Variants in MCPH1 observed in about 807,000 individuals in gnomAD.
MCPH1 encodes microcephalin.
MCPH1 carries 104 observed loss-of-function variants against 84.5 expected under a neutral mutation model. The observed-to-expected ratio is 1.23, with a 90% confidence interval of 1.05 to 1.45. The LOEUF is 1.45. MCPH1 is among the 40% of genes most tolerant of loss of function. The pLI, the probability that MCPH1 is intolerant of heterozygous loss-of-function variation, is 0.00. For synonymous variants in MCPH1, 514 were observed against 366.8 expected, an observed-to-expected ratio of 1.40 and a Z score of -4.58; for missense variants, 1,498 against 1,005.7, an observed-to-expected ratio of 1.49 and a Z score of -6.62.
chr8:6,503,665 G>A lies in MCPH1; in HGVS notation c.2214+3736G>A, dbSNP rs563816595. On this transcript the variant is annotated intron_variant, in intron 12 of 13. Coordinates refer to ENST00000344683, the MANE Select transcript of MCPH1 (RefSeq NM_024596.5). ...AACATGGTGGGCTGGACTCGCTCAG[G>A]CTCCCCTTGCTCTATTAAATGATTT... Among the ~76,000 whole-genome samples, 97 of 152,298 alleles carry A rather than the reference G, an allele frequency of 6.4e-4. 1 individual carries two copies. The highest frequency in any genetic ancestry group is 1.9e-3 in the Admixed American group (29 of 15,296).
intron 13 of MCPH1, 189 bp from the exon 14 acceptor site, chr8:6,642,805 T>A (rs372148130): frequency 2.0e-5 from 13 of 651,024 alleles, no homozygotes; most frequent in Non-Finnish European, 3.1e-5. Context: ...GAATGTTTCA[T>A]TGTATTGAAT....
At chr8:6,488,274 C>T (rs757602146) in intron 11 of MCPH1, among the ~76,000 whole-genome samples, 1 of 152,222 alleles carries the variant, frequency 6.6e-6, no homozygotes, top group African/African-American at 2.4e-5. Context: ...GTTGGAGCCG[C>T]TGTGCTTCCC....
chr8:6,532,869 C>T (rs796683222), intron 12 of MCPH1, among the ~76,000 whole-genome samples: 40 of 152,264 alleles, frequency 2.6e-4, no homozygotes, highest in African/African-American at 8.4e-4. Flanking sequence ...ACCATGCAGT[C>T]AGGAAATGAT....
chr8:6,413,522 G>A (rs1436587577), intron 2 of MCPH1, among the ~76,000 whole-genome samples: 1 of 151,476 alleles, frequency 6.6e-6, no homozygotes, highest in Non-Finnish European at 1.5e-5. Flanking sequence ...TTTAACTTCT[G>A]TTGATTGGCT....
At chr8:6,427,310 A>G (rs28591299) in intron 3 of MCPH1, among the ~76,000 whole-genome samples, 295 of 152,328 alleles carry the variant, frequency 1.9e-3, no homozygotes, top group African/African-American at 6.8e-3. Context: ...TATGGACTTT[A>G]TACACGTCAT....
intron 12 of MCPH1, among the ~76,000 whole-genome samples, chr8:6,514,161 T>C (rs752087840): frequency 4.6e-5 from 7 of 152,186 alleles, no homozygotes; most frequent in Non-Finnish European, 8.8e-5. Flanking sequence ...ACCAAAAAAA[T>C]GCTGAGTCCA....
At chr8:6,565,823 T>G (rs1826099933) in intron 12 of MCPH1, among the ~76,000 whole-genome samples, 2 of 152,172 alleles carry the variant, frequency 1.3e-5, no homozygotes, top group South Asian at 4.1e-4. Flanking sequence ...CAGTGATGCT[T>G]CCGGGTGCAC....
chr8:6,497,319 CA>C (rs36033136), intron 11 of MCPH1, among the ~76,000 whole-genome samples: 1 of 144,796 alleles, frequency 6.9e-6, no homozygotes, highest in Non-Finnish European at 1.5e-5. Context: ...CATTCTCTAC[CA>C]AAAAAAAACA....
intron 12 of MCPH1, among the ~76,000 whole-genome samples, chr8:6,550,919 G>T (rs147476778): frequency 6.6e-6 from 1 of 152,298 alleles, no homozygotes; most frequent in Non-Finnish European, 1.5e-5. Flanking sequence ...AGCCCAAGGA[G>T]CCCAAGGGGA....
At chr8:6,407,804 C>A (rs1388374030) in intron 1 of MCPH1, among the ~76,000 whole-genome samples, 1 of 152,158 alleles carries the variant, frequency 6.6e-6, no homozygotes, top group Non-Finnish European at 1.5e-5. Flanking sequence ...CACTATGCCC[C>A]CCAGGCCATA....
At chr8:6,641,448 T>A (rs1019092001) in intron 13 of MCPH1, among the ~76,000 whole-genome samples, 3 of 152,144 alleles carry the variant, frequency 2.0e-5, no homozygotes, top group African/African-American at 7.2e-5. Flanking sequence ...AAAGTTTGCA[T>A]AAGAAAAGTC....
At chr8:6,568,349 G>A (rs908422658) in intron 12 of MCPH1, among the ~76,000 whole-genome samples, 9 of 151,304 alleles carry the variant, frequency 5.9e-5, no homozygotes, top group African/African-American at 2.0e-4. Flanking sequence ...GACCATCCCA[G>A]GTTCCCCCAG....
intron 13 of MCPH1, among the ~76,000 whole-genome samples, chr8:6,624,602 G>C (rs1372203644): frequency 2.0e-5 from 3 of 152,028 alleles, no homozygotes; most frequent in South Asian, 2.1e-4. Flanking sequence ...AATAAAGAAG[G>C]GTTTATTTTT....
chr8:6,409,152 C>G (rs1276680925), intron 1 of MCPH1, 127 bp from the exon 2 acceptor site: 4 of 790,978 alleles, frequency 5.1e-6, no homozygotes, highest in Non-Finnish European at 8.8e-6. Flanking sequence ...TCCCACAGTG[C>G]TGGGATTACA....
rs1289546392 is a variant in MCPH1, at chr8:6,643,313, G to A, written c.*264G>A. 1 of 466,152 alleles carries A rather than the reference G, an allele frequency of 2.1e-6. No homozygotes were observed. Among genetic ancestry groups the A allele is most frequent in the African/African-American group, 2.0e-5 (1 of 50,858 alleles). 28.9% of individuals were successfully genotyped at this position (466,152 alleles called of 1,614,324 possible). ...GGAGTCCTGCCCTGTTTCCCAGGCT[G>A]GAGTGCAATGGCACAATCTCGGCTC... On this transcript the variant is annotated 3_prime_UTR_variant, in exon 14 of 14. Coordinates refer to ENST00000344683, the MANE Select transcript of MCPH1 (RefSeq NM_024596.5).
intron 10 of MCPH1, among the ~76,000 whole-genome samples, chr8:6,479,257 A>G: frequency 6.6e-6 from 1 of 151,998 alleles, no homozygotes; most frequent in Non-Finnish European, 1.5e-5. Flanking sequence ...ACAGAGTGAG[A>G]CCCTGTCTCA....
chr8:6,542,182 T>A (rs1195578075), intron 12 of MCPH1, among the ~76,000 whole-genome samples: 2 of 151,952 alleles, frequency 1.3e-5, no homozygotes, highest in Non-Finnish European at 2.9e-5. Context: ...AAAGAAAAAA[T>A]AATAATAATG....
At chr8:6,624,829 G>T in intron 13 of MCPH1, 1 of 984,990 alleles carries the variant, frequency 1.0e-6, no homozygotes. Flanking sequence ...GCCTCATCCA[G>T]GTCCAGGCTA....
intron 9 of MCPH1, among the ~76,000 whole-genome samples, chr8:6,460,187 T>A (rs553138750): frequency 6.6e-6 from 1 of 152,182 alleles, no homozygotes; most frequent in African/African-American, 2.4e-5. Flanking sequence ...GTGCTATCCT[T>A]TGCTTCTATA....
Sources: gnomAD v4.1 joint callset for allele counts (sites outside exome capture counted in the v4.1 genomes callset) on GRCh38, gnomAD v4.1.1 for gene constraint, MANE v1.5 for transcripts, NCBI Gene and HGNC (gene_info 2026-07-23, HGNC 2026-07-21) for gene names.